PRICKLE1: variants seen among roughly 807,000 people sequenced by gnomAD.
The protein encoded by PRICKLE1 is prickle planar cell polarity protein 1.
In PRICKLE1, 14 loss-of-function variants were observed where a neutral mutation model predicts 70.2. The ratio of observed to expected loss-of-function variants is 0.20; its 90% confidence interval spans 0.13 to 0.31. PRICKLE1 has a LOEUF of 0.31. Among genes scored for constraint, PRICKLE1 ranks in the 10% least tolerant of loss-of-function variants. PRICKLE1 has a pLI of 1.00. For synonymous variants in PRICKLE1, 357 were observed against 379.9 expected (o/e 0.94, Z 0.70); for missense variants, 821 against 1,026.2 (o/e 0.80, Z 2.73).
At chr12:42,586,040 A>C (rs183873694) in intron 1 of PRICKLE1, among the ~76,000 whole-genome samples, 2 of 152,272 alleles carry the variant, frequency 1.3e-5, no homozygotes, top group Non-Finnish European at 2.9e-5. Flanking sequence ...TTGCTTGCTC[A>C]CACCAACCTT....
chr12:42,499,274 A>G (rs1939262490), intron 1 of PRICKLE1, among the ~76,000 whole-genome samples: 1 of 152,216 alleles, frequency 6.6e-6, no homozygotes, highest in Admixed American at 6.5e-5. Flanking sequence ...GAAGGAGCCT[A>G]TATTCAAACC....
At chr12:42,532,003 T>A (rs1939926656) in intron 1 of PRICKLE1, among the ~76,000 whole-genome samples, 3 of 151,796 alleles carry the variant, frequency 2.0e-5, no homozygotes, top group South Asian at 4.2e-4. Context: ...ACCAAAAAAA[T>A]AAATAAATAA....
In PRICKLE1 at chr12:42,466,462, G is replaced by A. The variant is rs116037312; in HGVS notation, c.589-82C>T. 394 of 1,253,940 alleles carry A rather than the reference G, an allele frequency of 3.1e-4. 1 individual carries two copies. In the African/African-American group the frequency reaches 4.2e-3, roughly 13 times the overall value. The allele number at this position is 1,253,940 out of a possible 1,614,324, so 77.7% of individuals were successfully genotyped here. A position where few individuals can be genotyped will look rare whatever the true frequency, so the allele number is the denominator to read the frequency against. ...AAGGCCAAGTAACTGCATGTTTTCC[G>A]GGCAATGGACAGACACTGGCTCTTA... On this transcript the variant is annotated intron_variant, in intron 5 of 7. Coordinates refer to ENST00000345127, the MANE Select transcript of PRICKLE1 (RefSeq NM_153026.3).
chr12:42,536,394 C>A (rs1160424561), intron 1 of PRICKLE1, among the ~76,000 whole-genome samples: 3 of 152,176 alleles, frequency 2.0e-5, no homozygotes, highest in Non-Finnish European at 4.4e-5. Context: ...GTTTTCACCA[C>A]CCCTAGATCC....
chr12:42,497,321 G>A (rs1158257000), intron 1 of PRICKLE1, among the ~76,000 whole-genome samples: 6 of 152,204 alleles, frequency 3.9e-5, no homozygotes, highest in South Asian at 2.1e-4. Flanking sequence ...CAGGGCGGGC[G>A]GATCACGAGG....
At chr12:42,546,435 G>T (rs988168030) in intron 1 of PRICKLE1, among the ~76,000 whole-genome samples, 8 of 152,174 alleles carry the variant, frequency 5.3e-5, no homozygotes, top group African/African-American at 1.9e-4. Flanking sequence ...AGCTTTCAGG[G>T]ATATTTGAGG....
At chr12:42,488,018 G>C (rs117840560) in intron 1 of PRICKLE1, among the ~76,000 whole-genome samples, 1,710 of 152,314 alleles carry the variant, frequency 0.011, 39 homozygotes, top group East Asian at 0.091. Context: ...TCCAGCCTAG[G>C]TGACAGAGTG....
intron 1 of PRICKLE1, among the ~76,000 whole-genome samples, chr12:42,544,815 TTTC>T (rs1444665501): frequency 6.6e-6 from 1 of 152,220 alleles, no homozygotes; most frequent in Non-Finnish European, 1.5e-5. Context: ...CTTTGTGCTA[TTTC>T]TTCTGAGATT....
intron 1 of PRICKLE1, among the ~76,000 whole-genome samples, chr12:42,567,920 C>T (rs1440026895): frequency 6.6e-6 from 1 of 151,942 alleles, no homozygotes; most frequent in African/African-American, 2.4e-5. Flanking sequence ...GGAAAAATAA[C>T]CCTTGAAAAC....
chr12:42,522,305 G>A (rs1939725828), intron 1 of PRICKLE1, among the ~76,000 whole-genome samples: 1 of 151,900 alleles, frequency 6.6e-6, no homozygotes, highest in African/African-American at 2.4e-5. Context: ...CAGCATCTAC[G>A]TTACCCACAC....
intron 1 of PRICKLE1, chr12:42,483,969 C>A (rs922967022): frequency 1.5e-5 from 2 of 136,260 alleles, no homozygotes; most frequent in Admixed American, 1.7e-4. Context: ...GCCGGGAGCC[C>A]GCCTGGGGCC....
At chr12:42,497,546 C>A (rs1379796426) in intron 1 of PRICKLE1, among the ~76,000 whole-genome samples, 882 of 98,456 alleles carry the variant, frequency 9.0e-3, no homozygotes, top group African/African-American at 0.013. Context: ...GACTCCATCT[C>A]AAAAAAAAAA....
chr12:42,499,015 T>A (rs1939258251), intron 1 of PRICKLE1, among the ~76,000 whole-genome samples: 1 of 152,326 alleles, frequency 6.6e-6, no homozygotes, highest in Admixed American at 6.5e-5. Flanking sequence ...TTCTGAGTCA[T>A]TTTTCACATA....
chr12:42,474,886 T>C (rs765342659), intron 1 of PRICKLE1, among the ~76,000 whole-genome samples: 1 of 152,102 alleles, frequency 6.6e-6, no homozygotes, highest in Non-Finnish European at 1.5e-5. Flanking sequence ...AACCTAAAAA[T>C]TAAATGTCAC....
chr12:42,561,905 C>CTTTTTT (rs60450733), intron 1 of PRICKLE1, among the ~76,000 whole-genome samples: 3 of 87,232 alleles, frequency 3.4e-5, no homozygotes, highest in South Asian at 4.3e-4. Flanking sequence ...TTTTTCTTTT[C>CTTTTTT]TTTTTTTTTT....
intron 1 of PRICKLE1, chr12:42,489,958 G>A (rs1238155067): frequency 6.6e-6 from 1 of 152,162 alleles, no homozygotes; most frequent in African/African-American, 2.4e-5. Context: ...GGGCACCACT[G>A]TTCGACCTAG....
chr12:42,544,334 T>C (rs1449801299), intron 1 of PRICKLE1, among the ~76,000 whole-genome samples: 1 of 152,248 alleles, frequency 6.6e-6, no homozygotes. Context: ...AGATGTAATT[T>C]TTTTTGTAGT....
intron 1 of PRICKLE1, among the ~76,000 whole-genome samples, chr12:42,575,423 A>T (rs2120771256): frequency 6.6e-6 from 1 of 152,324 alleles, no homozygotes; most frequent in East Asian, 1.9e-4. Flanking sequence ...GGCCAGGCAC[A>T]GTGGCTCACG....
intron 1 of PRICKLE1, among the ~76,000 whole-genome samples, chr12:42,585,497 T>C (rs1240302960): frequency 6.6e-6 from 1 of 152,052 alleles, no homozygotes; most frequent in Non-Finnish European, 1.5e-5. Context: ...CAACTGGAAA[T>C]AGTCAATGCC....
Sources: gnomAD v4.1 joint callset for allele counts (sites outside exome capture counted in the v4.1 genomes callset) on GRCh38, gnomAD v4.1.1 for gene constraint, MANE v1.5 for transcripts, NCBI Gene and HGNC (gene_info 2026-07-23, HGNC 2026-07-21) for gene names.